The following NAALADL2 variants were observed in gnomAD, a reference collection of about 807,000 sequenced individuals.
The protein encoded by NAALADL2 is N-acetylated alpha-linked acidic dipeptidase like 2.
Under a neutral mutation model 87.2 loss-of-function variants are expected in NAALADL2, and 76 were observed. The ratio of observed to expected loss-of-function variants is 0.87; its 90% CI spans 0.72 to 1.05. The LOEUF (loss-of-function observed/expected upper bound fraction) is 1.05. Ranked by LOEUF, NAALADL2 falls within the 50% of genes least tolerant of loss-of-function variation. NAALADL2 has a pLI of 0.00. For missense variants in NAALADL2, 1,089 were observed against 945.8 expected (o/e 1.15, Z -1.99); for synonymous variants, 354 against 331.0 (o/e 1.07, Z -0.75).
At chr3:175,435,894 C>T (rs1023212263) in intron 5 of NAALADL2, among the ~76,000 whole-genome samples, 2 of 148,828 alleles carry the variant, frequency 1.3e-5, no homozygotes, top group African/African-American at 2.5e-5. Flanking sequence ...TACATGTGCA[C>T]ATTGTGCAGG....
intron 1 of NAALADL2, among the ~76,000 whole-genome samples, chr3:174,968,217 A>G (rs76917881): frequency 6.6e-6 from 1 of 152,128 alleles, no homozygotes; most frequent in Non-Finnish European, 1.5e-5. Flanking sequence ...TGCTGCTGCT[A>G]TTGTTACCAT....
chr3:175,440,399 T>A (rs1177992829), intron 5 of NAALADL2, among the ~76,000 whole-genome samples: 4 of 151,956 alleles, frequency 2.6e-5, no homozygotes, highest in Non-Finnish European at 5.9e-5. Context: ...ATTTTAGAAT[T>A]TTTTTTTCTA....
intron 2 of NAALADL2, among the ~76,000 whole-genome samples, chr3:174,632,723 C>G (rs1722232186): frequency 6.6e-6 from 1 of 151,850 alleles, no homozygotes; most frequent in Non-Finnish European, 1.5e-5. Flanking sequence ...ATTGCGAGGT[C>G]AGGAGATCGA....
At chr3:174,499,180 C>T (rs1718733354) in intron 1 of NAALADL2, among the ~76,000 whole-genome samples, 1 of 152,018 alleles carries the variant, frequency 6.6e-6, no homozygotes, top group Admixed American at 6.6e-5. Flanking sequence ...GGAACATGTG[C>T]TCCCTGGATA....
chr3:174,686,167 T>A (rs1043322647), intron 2 of NAALADL2, among the ~76,000 whole-genome samples: 2 of 152,106 alleles, frequency 1.3e-5, no homozygotes, highest in Non-Finnish European at 2.9e-5. Flanking sequence ...TGATATATAT[T>A]CCTTTGGGCG....
intron 11 of NAALADL2, among the ~76,000 whole-genome samples, chr3:175,673,393 T>C (rs991593465): frequency 6.6e-6 from 1 of 152,138 alleles, no homozygotes; most frequent in Non-Finnish European, 1.5e-5. Context: ...TCTGCCCTTT[T>C]ATCAGTTATA....
At chr3:175,216,274 A>G (rs1483972936) in intron 2 of NAALADL2, among the ~76,000 whole-genome samples, 1 of 152,108 alleles carries the variant, frequency 6.6e-6, no homozygotes, top group Non-Finnish European at 1.5e-5. Flanking sequence ...TTAATATTAA[A>G]ACAAAACCAA....
chr3:175,181,691 A>G (rs1275573204), intron 2 of NAALADL2, among the ~76,000 whole-genome samples: 1,888 of 44,036 alleles, frequency 0.043, 104 homozygotes, highest in African/African-American at 0.094. Flanking sequence ...ATATATATAT[A>G]TATATATATA....
At chr3:175,160,615 G>C (rs374689722) in intron 2 of NAALADL2, among the ~76,000 whole-genome samples, 1 of 151,646 alleles carries the variant, frequency 6.6e-6, no homozygotes, top group Non-Finnish European at 1.5e-5. Context: ...GCCTCCCAAA[G>C]TGCTGGGATT....
intron 13 of NAALADL2, among the ~76,000 whole-genome samples, chr3:175,779,858 G>A (rs923817948): frequency 1.3e-5 from 2 of 151,968 alleles, no homozygotes; most frequent in Non-Finnish European, 2.9e-5. Context: ...TGTTTAGTGT[G>A]GAATGTCTTT....
intron 1 of NAALADL2, among the ~76,000 whole-genome samples, chr3:174,522,794 T>C (rs906964131): frequency 1.3e-5 from 2 of 150,898 alleles, no homozygotes; most frequent in African/African-American, 2.4e-5. Context: ...ATTAGCCGGG[T>C]GCGGTGGCGG....
intron 3 of NAALADL2, among the ~76,000 whole-genome samples, chr3:174,854,057 A>G (rs1725577508): frequency 6.6e-6 from 1 of 152,212 alleles, no homozygotes; most frequent in Admixed American, 6.5e-5. Flanking sequence ...GGAAATCAAT[A>G]TATCAAAGAT....
chr3:175,710,187 G>C (rs1740336637), intron 11 of NAALADL2, among the ~76,000 whole-genome samples: 1 of 151,864 alleles, frequency 6.6e-6, no homozygotes, highest in Non-Finnish European at 1.5e-5. Flanking sequence ...AGAAACAGAA[G>C]GTCTGTTTTT....
chr3:175,234,002 C>A lies in NAALADL2; in HGVS notation c.617C>A (p.Ser206Tyr). The change falls in exon 3 of 14, where the codon TCT becomes TAT. Residue 206 changes from serine to tyrosine, a missense_variant. Coordinates refer to ENST00000454872, the MANE Select transcript of NAALADL2 (RefSeq NM_207015.3). ...ISKKIKTQWT[S>Y]LGLEDVQFVN... ...AAGAAGATTAAGACTCAGTGGACCT[C>A]TTTGGGCCTAGAAGATGTACAGTTT... 6.2e-7 allele frequency: 1 copy of A among 1,613,154 alleles called. No individual in the cohort carries two copies. Among genetic ancestry groups the A allele is most frequent in the Non-Finnish European group, 8.5e-7 (1 of 1,179,202 alleles).
At chr3:174,700,396 GAATC>G (rs1729441960) in intron 2 of NAALADL2, among the ~76,000 whole-genome samples, 1 of 151,836 alleles carries the variant, frequency 6.6e-6, no homozygotes, top group Non-Finnish European at 1.5e-5. Flanking sequence ...TGTAATCTTA[GAATC>G]AATCTATCTT....
At position 175,466,982 on chromosome 3, in the gene NAALADL2, G is replaced by A. The variant is rs768770337; in HGVS notation, c.1331G>A (p.Arg444Gln). ...GFVMGLTSPD[R>Q]YIIVGSHHHT... Reference sequence around the variant, plus strand: ...TCTTGTCCCTTTCTATTTTCAGACCGGTATATCATAGTTGGCAGCCATCAT... The same window carrying A: ...TCTTGTCCCTTTCTATTTTCAGACCAGTATATCATAGTTGGCAGCCATCAT... The change falls in exon 8 of 14, where the codon CGG becomes CAG. Residue 444 changes from arginine (R) to glutamine (Q), a missense_variant. Arg to Gln is a conservative substitution (Grantham distance 43, BLOSUM62 1). Coordinates refer to ENST00000454872, the MANE Select transcript of NAALADL2 (RefSeq NM_207015.3). 22 of 1,609,668 alleles carry A rather than the reference G, an allele frequency of 1.4e-5. No homozygotes were observed. The highest frequency in any genetic ancestry group is 3.3e-5 in the Admixed American group (2 of 59,944).
intron 2 of NAALADL2, among the ~76,000 whole-genome samples, chr3:175,140,656 G>T (rs1729855061): frequency 6.6e-6 from 1 of 152,110 alleles, no homozygotes; most frequent in Admixed American, 6.6e-5. Flanking sequence ...ATTACGTTTG[G>T]CTGGAGCATG....
intron 11 of NAALADL2, among the ~76,000 whole-genome samples, chr3:175,680,570 C>T (rs1477533058): frequency 6.6e-6 from 1 of 152,150 alleles, no homozygotes; most frequent in Non-Finnish European, 1.5e-5. Context: ...ATATGCTGTA[C>T]ATCCTTGATC....
At chr3:175,485,393 A>G (rs6770816) in intron 9 of NAALADL2, among the ~76,000 whole-genome samples, 110,870 of 151,996 alleles carry the variant, frequency 0.73, 40,604 homozygotes, top group East Asian at 0.89. Flanking sequence ...ATTCACTCAC[A>G]CGATCACAAG....
Sources: gnomAD v4.1 joint callset for allele counts (sites outside exome capture counted in the v4.1 genomes callset) on GRCh38, gnomAD v4.1.1 for gene constraint, MANE v1.5 for transcripts, NCBI Gene and HGNC (gene_info 2026-07-23, HGNC 2026-07-21) for gene names.